Variants in CSMD1 observed in about 807,000 individuals in gnomAD.
CSMD1 encodes CUB and sushi domain-containing protein 1.
A neutral mutation model predicts 417.5 loss-of-function variants in CSMD1; 213 were observed. The observed-to-expected ratio is 0.51, with a 90% CI of 0.46 to 0.57. The LOEUF (loss-of-function observed/expected upper bound fraction) is 0.57. CSMD1 is among the 20% of genes least tolerant of loss of function. The pLI is 0.00. For missense variants in CSMD1, 6,923 were observed against 4,529.7 expected, an observed-to-expected ratio of 1.53 and a Z score of -15.17; for synonymous variants, 2,862 against 1,736.8, an observed-to-expected ratio of 1.65 and a Z score of -16.11.
At chr8:3,258,188 C>T (rs1191352569) in intron 26 of CSMD1, among the ~76,000 whole-genome samples, 1 of 152,000 alleles carries the variant, frequency 6.6e-6, no homozygotes, top group African/African-American at 2.4e-5. Context: ...AAAATTTTTC[C>T]AAAATATGCA....
At chr8:4,456,647 G>C (rs988080760) in intron 2 of CSMD1, among the ~76,000 whole-genome samples, 1 of 152,270 alleles carries the variant, frequency 6.6e-6, no homozygotes, top group African/African-American at 2.4e-5. Flanking sequence ...CAGTATGGCA[G>C]AGAGACCCTC....
intron 3 of CSMD1, among the ~76,000 whole-genome samples, chr8:4,057,103 A>G (rs1289238705): frequency 7.2e-5 from 11 of 152,210 alleles, no homozygotes; most frequent in Non-Finnish European, 1.3e-4. Context: ...TCCCTGAGGA[A>G]TCGCCACACT....
rs536678710 is a variant in CSMD1 at position 4,031,945 on chromosome 8, T to C, written c.570A>G (p.Gly190=). Residue 190 remains glycine (G), a synonymous_variant, in exon 4 of 70, where the codon GGA becomes GGG. Coordinates refer to ENST00000635120, the MANE Select transcript of CSMD1 (RefSeq NM_033225.6). The part of the protein sequence containing the change: ...HAILTCIVSP[G]NGASWDFPAP... The stretch of plus-strand genomic sequence containing the variant: ...CTGGGAAGTCCCACGATGCACCATT[T>C]CCTGGGCTGACGATGCAGGTCAGGA... 5.0e-6 allele frequency: 8 copies of C among 1,613,940 alleles called. No homozygotes were observed. Among genetic ancestry groups the C allele is most frequent in the African/African-American group, 4.0e-5 (3 of 75,038 alleles).
chr8:3,399,661 A>C (rs149945376), intron 15 of CSMD1, 132 bp from the exon 16 acceptor site: 1 of 641,726 alleles, frequency 1.6e-6, no homozygotes, highest in Non-Finnish European at 2.4e-6. Flanking sequence ...AGCAAATCTT[A>C]TTCCCAAGGA....
At chr8:4,071,133 T>C (rs1375863617) in intron 3 of CSMD1, among the ~76,000 whole-genome samples, 2 of 152,146 alleles carry the variant, frequency 1.3e-5, no homozygotes, top group African/African-American at 4.8e-5. Flanking sequence ...TTCTTTTTTT[T>C]CCAAATTTGG....
chr8:4,468,204 A>T (rs1800307674), intron 2 of CSMD1, among the ~76,000 whole-genome samples: 1 of 152,202 alleles, frequency 6.6e-6, no homozygotes, highest in Non-Finnish European at 1.5e-5. Flanking sequence ...TTGAGAAAGC[A>T]GCAGTGCCTG....
At chr8:4,381,799 G>C (rs984632325) in intron 3 of CSMD1, among the ~76,000 whole-genome samples, 5 of 151,974 alleles carry the variant, frequency 3.3e-5, no homozygotes. Flanking sequence ...ACCTTTTTCT[G>C]CTGATGACTT....
At chr8:4,930,615 A>G (rs1807181317) in intron 1 of CSMD1, among the ~76,000 whole-genome samples, 1 of 152,142 alleles carries the variant, frequency 6.6e-6, no homozygotes, top group East Asian at 1.9e-4. Context: ...TACATTTATC[A>G]CCTGTCTCTC....
At chr8:3,815,567 T>A (rs1947910) in intron 5 of CSMD1, among the ~76,000 whole-genome samples, 1 of 151,590 alleles carries the variant, frequency 6.6e-6, no homozygotes, top group African/African-American at 2.4e-5. Flanking sequence ...GAAAAAATAC[T>A]GCTTTGAAAT....
At chr8:3,203,442 G>T (rs1797096908) in intron 31 of CSMD1, among the ~76,000 whole-genome samples, 1 of 152,192 alleles carries the variant, frequency 6.6e-6, no homozygotes, top group Non-Finnish European at 1.5e-5. Context: ...GGGTTATGGG[G>T]CTTCAGCCGC....
chr8:3,033,020 C>A (rs1358813039), intron 50 of CSMD1, among the ~76,000 whole-genome samples: 2 of 152,080 alleles, frequency 1.3e-5, no homozygotes, highest in Admixed American at 1.3e-4. Context: ...CTTGACACTT[C>A]TGAATATTCA....
intron 54 of CSMD1, among the ~76,000 whole-genome samples, chr8:2,982,589 C>A (rs1265357542): frequency 6.6e-6 from 1 of 152,160 alleles, no homozygotes; most frequent in African/African-American, 2.4e-5. Flanking sequence ...GATCACTGTT[C>A]CCGTGGCATG....
chr8:4,363,477 C>G (rs1369795883), intron 3 of CSMD1, among the ~76,000 whole-genome samples: 4 of 152,174 alleles, frequency 2.6e-5, no homozygotes, highest in African/African-American at 9.7e-5. Flanking sequence ...CCACCACCCC[C>G]TCTCTGGAGG....
chr8:4,536,384 C>G (rs960636867), intron 2 of CSMD1, among the ~76,000 whole-genome samples: 2 of 152,080 alleles, frequency 1.3e-5, no homozygotes, highest in African/African-American at 4.8e-5. Flanking sequence ...TTTATCCTTA[C>G]AATTTTAAAT....
chr8:4,029,998 C>T (rs1203293251), intron 4 of CSMD1, among the ~76,000 whole-genome samples: 1 of 152,152 alleles, frequency 6.6e-6, no homozygotes, highest in South Asian at 2.1e-4. Flanking sequence ...TGTCTCACAT[C>T]CAGGTCATGC....
intron 25 of CSMD1, among the ~76,000 whole-genome samples, chr8:3,294,954 C>G (rs1312388748): frequency 6.6e-6 from 1 of 152,040 alleles, no homozygotes; most frequent in Non-Finnish European, 1.5e-5. Context: ...TCCTATTTGG[C>G]CATCTTGGCT....
intron 1 of CSMD1, among the ~76,000 whole-genome samples, chr8:4,743,453 G>C (rs114568388): frequency 6.6e-6 from 1 of 152,130 alleles, no homozygotes; most frequent in East Asian, 1.9e-4. Flanking sequence ...GAGCAGAGTA[G>C]AGCGCTTCTC....
At chr8:4,019,275 G>C (rs944968957) in intron 4 of CSMD1, among the ~76,000 whole-genome samples, 15 of 152,296 alleles carry the variant, frequency 9.8e-5, no homozygotes, top group African/African-American at 3.6e-4. Context: ...AGTTTTTAAA[G>C]ATTCAGGGCG....
chr8:3,463,262 T>C (rs976848315), intron 12 of CSMD1, among the ~76,000 whole-genome samples: 9 of 152,096 alleles, frequency 5.9e-5, no homozygotes, highest in Admixed American at 6.5e-5. Flanking sequence ...ACACTCCCAA[T>C]ACCTCCTGCT....
Sources: gnomAD v4.1 joint callset for allele counts (sites outside exome capture counted in the v4.1 genomes callset) on GRCh38, gnomAD v4.1.1 for gene constraint, MANE v1.5 for transcripts, NCBI Gene and HGNC (gene_info 2026-07-23, HGNC 2026-07-21) for gene names.